The following GRIP1 variants were observed in gnomAD, a reference collection of about 807,000 sequenced individuals.
GRIP1 encodes glutamate receptor interacting protein 1.
In GRIP1, 45 loss-of-function variants were observed where a neutral mutation model predicts 129.9. The observed-to-expected ratio is 0.35, with a 90% CI of 0.27 to 0.44. The LOEUF (loss-of-function observed/expected upper bound fraction) is 0.44. Ranked by LOEUF, GRIP1 falls within the 20% of genes least tolerant of loss-of-function variation. The probability of loss-of-function intolerance (pLI) is 1.00; values close to 1 mark genes in which losing one functional copy is unlikely to be tolerated. For synonymous variants in GRIP1, 530 were observed against 520.8 expected (o/e 1.02, Z -0.24); for missense variants, 1,196 against 1,396.8 (o/e 0.86, Z 2.29).
intron 1 of GRIP1, among the ~76,000 whole-genome samples, chr12:67,056,831 G>T (rs1294539981): frequency 6.6e-6 from 1 of 151,918 alleles, no homozygotes; most frequent in African/African-American, 2.4e-5. Flanking sequence ...GTTTGTTTGA[G>T]ATGGAGTCTC....
Position 66,658,636 on chromosome 12 carries a change from T to C in GRIP1, c.55+20214A>G, listed in dbSNP as rs181854149. On this transcript the variant is annotated intron_variant, in intron 1 of 24. Transcript: ENST00000359742. ...CTAAAAAGCAGCTCCTGGCCAGGCA[T>C]GGTGCCTCATGCCTGTAATCCCAGC... is the stretch of plus-strand genomic sequence containing the variant. Among the ~76,000 whole-genome samples the C allele has an allele frequency of 5.8e-3, 881 of 150,952 alleles. 9 individuals are homozygous for C. The highest frequency in any genetic ancestry group is 0.021 in the African/African-American group (853 of 41,166).
At chr12:66,577,883 G>C (rs2063197495) in intron 2 of GRIP1, among the ~76,000 whole-genome samples, 1 of 152,186 alleles carries the variant, frequency 6.6e-6, no homozygotes, top group Admixed American at 6.5e-5. Flanking sequence ...GAGCCCAGGA[G>C]GTAAAGCTTT....
At chr12:66,650,249 C>A (rs1242788852) in intron 1 of GRIP1, among the ~76,000 whole-genome samples, 3 of 151,432 alleles carry the variant, frequency 2.0e-5, no homozygotes, top group South Asian at 4.2e-4. Flanking sequence ...CTTAAAAGAT[C>A]TTATGGGCCC....
chr12:66,389,292 G>A (rs1489061937), intron 19 of GRIP1, among the ~76,000 whole-genome samples: 1 of 152,198 alleles, frequency 6.6e-6, no homozygotes, highest in African/African-American at 2.4e-5. Context: ...GCAGTGGCAT[G>A]ATCTTGGCTC....
intron 1 of GRIP1, among the ~76,000 whole-genome samples, chr12:67,024,247 G>C (rs1488872848): frequency 6.6e-6 from 1 of 152,076 alleles, no homozygotes; most frequent in African/African-American, 2.4e-5. Context: ...GATGCCCAAC[G>C]CACTGCAGAT....
chr12:66,705,537 C>T (rs572847500), intron 1 of GRIP1, among the ~76,000 whole-genome samples: 19 of 152,238 alleles, frequency 1.2e-4, no homozygotes, highest in African/African-American at 4.3e-4. Context: ...ACATTCTTCA[C>T]AGAATTAGAA....
intron 1 of GRIP1, among the ~76,000 whole-genome samples, chr12:66,951,412 G>A (rs557511185): frequency 6.6e-6 from 1 of 152,190 alleles, no homozygotes; most frequent in African/African-American, 2.4e-5. Flanking sequence ...GAGGCAACAG[G>A]GCACATTTCT....
At chr12:66,432,235 C>T (rs906156430) in intron 14 of GRIP1, among the ~76,000 whole-genome samples, 1 of 151,968 alleles carries the variant, frequency 6.6e-6, no homozygotes, top group Non-Finnish European at 1.5e-5. Context: ...CTCACCAGGA[C>T]TCATCACTTG....
chr12:66,629,417 G>A (rs1451905623), intron 1 of GRIP1, among the ~76,000 whole-genome samples: 1 of 152,286 alleles, frequency 6.6e-6, no homozygotes, highest in Non-Finnish European at 1.5e-5. Flanking sequence ...GGTGATACAA[G>A]CTCCTATACT....
At chr12:66,633,063 A>G (rs2030976799) in intron 1 of GRIP1, among the ~76,000 whole-genome samples, 1 of 151,668 alleles carries the variant, frequency 6.6e-6, no homozygotes, top group African/African-American at 2.4e-5. Context: ...CCAAGGCTAG[A>G]GCGCAGTGAC....
chr12:66,487,924 GCTAA>G (rs1464680954), intron 7 of GRIP1, among the ~76,000 whole-genome samples: 1 of 152,140 alleles, frequency 6.6e-6, no homozygotes, highest in African/African-American at 2.4e-5. Context: ...AACAAGAAGA[GCTAA>G]CTATCTTAAA....
In GRIP1 at chr12:66,703,600, T is replaced by C. The variant is rs141891175; in HGVS notation, c.-419-73264A>G. On this transcript the variant is annotated intron_variant, in intron 1 of 4. Coordinates refer to the GRIP1 transcript ENST00000538373. ...AGAGGATCAACAGGGCAACTGACAC[T>C]GATGGGTGTCAGGAGAGGAAGAAAG... 6.6e-5 allele frequency among the ~76,000 whole-genome samples: 10 copies of C among 152,106 alleles called. No homozygotes were observed. In the East Asian group the frequency reaches 1.9e-3, roughly 30 times the overall value.
At chr12:66,651,019 A>G (rs1045195978) in intron 1 of GRIP1, among the ~76,000 whole-genome samples, 19 of 152,234 alleles carry the variant, frequency 1.2e-4, no homozygotes, top group African/African-American at 4.6e-4. Context: ...TATTTAAGAC[A>G]ATATGTACAT....
chr12:66,874,328 T>C (rs138326169), intron 1 of GRIP1, among the ~76,000 whole-genome samples: 113 of 152,230 alleles, frequency 7.4e-4, no homozygotes, highest in African/African-American at 2.6e-3. Flanking sequence ...CTTATGATTA[T>C]GCATTGCTTC....
intron 1 of GRIP1, among the ~76,000 whole-genome samples, chr12:66,998,113 A>G (rs927963983): frequency 3.9e-5 from 6 of 152,196 alleles, no homozygotes; most frequent in African/African-American, 1.4e-4. Context: ...GCTGCTATCC[A>G]TATGTGGCTA....
At chr12:66,526,094 C>T (rs556624593) in intron 5 of GRIP1, among the ~76,000 whole-genome samples, 32 of 152,134 alleles carry the variant, frequency 2.1e-4, no homozygotes, top group African/African-American at 7.2e-4. Flanking sequence ...GTGAAAATGG[C>T]CATACTGCCC....
At position 66,735,813 on chromosome 12, in the gene GRIP1, T is replaced by C. The variant is rs560139117; in HGVS notation, c.-420+68240A>G. ...GCCATTACGAAGACAAATCTCTCCA[T>C]AATCCCAGGTCTTAATCATTTTCAG... On this transcript the variant is annotated intron_variant, in intron 1 of 4. Transcript: ENST00000538373. Among the ~76,000 whole-genome samples, 3 of 152,242 alleles carry C rather than the reference T, an allele frequency of 2.0e-5. No individual in the cohort carries two copies. The East Asian group carries it at 5.8e-4, about 29-fold the overall frequency.
chr12:66,903,729 T>C (rs568719560), intron 1 of GRIP1, among the ~76,000 whole-genome samples: 3 of 152,304 alleles, frequency 2.0e-5, no homozygotes, highest in South Asian at 2.1e-4. Context: ...TCTATAGATA[T>C]TGTTCTTTCC....
chr12:66,629,608 T>TAAA (rs932492752), intron 1 of GRIP1, among the ~76,000 whole-genome samples: 19 of 152,190 alleles, frequency 1.2e-4, no homozygotes, highest in Non-Finnish European at 1.2e-4. Context: ...GGACACAATG[T>TAAA]AAAAACACAG....
Sources: gnomAD v4.1 joint callset for allele counts (sites outside exome capture counted in the v4.1 genomes callset) on GRCh38, gnomAD v4.1.1 for gene constraint, MANE v1.5 for transcripts, NCBI Gene and HGNC (gene_info 2026-07-23, HGNC 2026-07-21) for gene names.